Variants in SPATA13 observed in about 807,000 individuals in gnomAD.
SPATA13 encodes the protein spermatogenesis associated 13, also known as spermatogenesis-associated protein 13.
In SPATA13, 50 loss-of-function variants were observed where a neutral mutation model predicts 104.0. The ratio of observed to expected loss-of-function variants is 0.48; its 90% CI spans 0.38 to 0.61. The LOEUF is 0.61. Among genes scored for constraint, SPATA13 ranks in the 20% least tolerant of loss-of-function variants. SPATA13 has a pLI of 0.00. For synonymous variants in SPATA13, 606 were observed against 667.5 expected (o/e 0.91, Z 1.42); for missense variants, 1,524 against 1,690.6 (o/e 0.90, Z 1.73).
intron 3 of SPATA13, among the ~76,000 whole-genome samples, chr13:24,135,989 A>G (rs973371791): frequency 9.9e-5 from 15 of 152,190 alleles, no homozygotes; most frequent in Non-Finnish European, 1.5e-5. Context: ...CTGGAAACAA[A>G]GTGTTCACTT....
At chr13:24,276,539 C>T (rs997136019) in intron 4 of SPATA13, among the ~76,000 whole-genome samples, 5 of 152,218 alleles carry the variant, frequency 3.3e-5, no homozygotes, top group Middle Eastern at 3.4e-3. Context: ...TATGTGTGGC[C>T]GTTCTGCAAG....
chr13:24,026,093 T>C (rs1390263836), intron 3 of SPATA13, among the ~76,000 whole-genome samples: 1 of 152,188 alleles, frequency 6.6e-6, no homozygotes, highest in Non-Finnish European at 1.5e-5. Context: ...GGGTTGCTAG[T>C]TCATATATCT....
chr13:24,058,799 A>T lies in SPATA13; in HGVS notation c.-112+41098A>T, dbSNP rs1223285108. On this transcript the variant is annotated intron_variant, in intron 3 of 14. Transcript: ENST00000424834. ...ACTGGTTAACCTGTCAGGTAGCAAG[A>T]TTTATGTTTACACAAACTTTCCAGA... 6.6e-5 allele frequency among the ~76,000 whole-genome samples: 10 copies of T among 151,732 alleles called. 1 individual carries two copies. Among genetic ancestry groups the T allele is most frequent in the Non-Finnish European group, 8.8e-5 (6 of 67,832 alleles).
intron 2 of SPATA13, among the ~76,000 whole-genome samples, chr13:24,239,719 A>AG (rs1872743030): frequency 1.3e-5 from 2 of 149,364 alleles, no homozygotes; most frequent in Non-Finnish European, 3.0e-5. Context: ...AAAAAAAAAA[A>AG]TAGAGAAAGC....
intron 3 of SPATA13, among the ~76,000 whole-genome samples, chr13:24,073,404 A>G (rs997168816): frequency 6.6e-6 from 1 of 152,238 alleles, no homozygotes. Flanking sequence ...ATTTGATACA[A>G]TATAAATATC....
intron 2 of SPATA13, among the ~76,000 whole-genome samples, chr13:24,243,182 A>G (rs1371529053): frequency 6.6e-6 from 1 of 152,208 alleles, no homozygotes; most frequent in Non-Finnish European, 1.5e-5. Flanking sequence ...TCACTCATCC[A>G]TACTTCAGAA....
intron 2 of SPATA13, among the ~76,000 whole-genome samples, chr13:24,227,577 C>CT (rs1025725957): frequency 0.011 from 1,563 of 148,058 alleles, 12 homozygotes; most frequent in Non-Finnish European, 0.015. Flanking sequence ...CTTCAAAATT[C>CT]TTTTTTTTTT....
intron 3 of SPATA13, among the ~76,000 whole-genome samples, chr13:24,044,791 C>A (rs967742264): frequency 2.0e-5 from 3 of 149,764 alleles, no homozygotes; most frequent in Non-Finnish European, 4.4e-5. Flanking sequence ...ATAAGACAGG[C>A]ACAGAAGGAC....
chr13:24,067,274 C>G (rs1267912663), intron 3 of SPATA13, among the ~76,000 whole-genome samples: 1 of 152,168 alleles, frequency 6.6e-6, no homozygotes, highest in African/African-American at 2.4e-5. Flanking sequence ...ATCCAGATAG[C>G]AAATAGCTGG....
At chr13:24,280,660 C>G (rs1875429925) in intron 4 of SPATA13, among the ~76,000 whole-genome samples, 1 of 152,146 alleles carries the variant, frequency 6.6e-6, no homozygotes, top group South Asian at 2.1e-4. Context: ...ATCAGGATAT[C>G]TCGGCCAGTA....
chr13:24,030,738 T>C (rs1877442027), intron 3 of SPATA13, among the ~76,000 whole-genome samples: 2 of 152,332 alleles, frequency 1.3e-5, no homozygotes, highest in African/African-American at 4.8e-5. Flanking sequence ...GTTTTGTTCC[T>C]TTAAAAAAAT....
chr13:24,097,864 C>T (rs932370007), intron 3 of SPATA13, among the ~76,000 whole-genome samples: 24 of 152,088 alleles, frequency 1.6e-4, no homozygotes, highest in Non-Finnish European at 2.1e-4. Context: ...GGAGAAACCG[C>T]GGAGAACAGA....
intron 4 of SPATA13, chr13:24,271,029 T>G (rs901204338): frequency 8.4e-6 from 6 of 717,434 alleles, no homozygotes; most frequent in East Asian, 8.2e-5. Context: ...TCACTCTCTC[T>G]CTCTCTCTCT....
chr13:24,281,523 C>T (rs926970550), intron 4 of SPATA13, among the ~76,000 whole-genome samples: 31 of 152,314 alleles, frequency 2.0e-4, no homozygotes, highest in Admixed American at 1.8e-3. Flanking sequence ...GGCACAGGTG[C>T]GGACCCATGG....
intron 3 of SPATA13, among the ~76,000 whole-genome samples, chr13:24,125,048 G>A (rs769266511): frequency 9.2e-5 from 14 of 152,126 alleles, no homozygotes; most frequent in Non-Finnish European, 1.9e-4. Context: ...GGCTCTCCCC[G>A]GTATTTCTCC....
At chr13:24,272,338 C>G (rs1243363890) in intron 4 of SPATA13, among the ~76,000 whole-genome samples, 1 of 152,254 alleles carries the variant, frequency 6.6e-6, no homozygotes, top group South Asian at 2.1e-4. Flanking sequence ...GCGGCCTTGA[C>G]CCTCTACAGC....
At chr13:24,061,129 A>T (rs1436910412) in intron 3 of SPATA13, among the ~76,000 whole-genome samples, 2 of 152,210 alleles carry the variant, frequency 1.3e-5, no homozygotes, top group African/African-American at 4.8e-5. Context: ...AGAAAGCTCA[A>T]TATCACTAAT....
intron 2 of SPATA13, among the ~76,000 whole-genome samples, chr13:23,993,252 G>A (rs1056200934): frequency 5.9e-5 from 9 of 152,198 alleles, no homozygotes; most frequent in Non-Finnish European, 1.2e-4. Flanking sequence ...TCAGAGCATC[G>A]CTGATCAGCC....
chr13:24,022,657 G>T (rs1007571270), intron 3 of SPATA13, among the ~76,000 whole-genome samples: 5 of 152,066 alleles, frequency 3.3e-5, no homozygotes, highest in African/African-American at 1.2e-4. Flanking sequence ...ATTTTTTGGG[G>T]CTAAAACAAG....
Sources: gnomAD v4.1 joint callset for allele counts (sites outside exome capture counted in the v4.1 genomes callset) on GRCh38, gnomAD v4.1.1 for gene constraint, MANE v1.5 for transcripts, NCBI Gene and HGNC (gene_info 2026-07-23, HGNC 2026-07-21) for gene names.